Variants in CREB5 observed in about 807,000 individuals in gnomAD.
The protein encoded by CREB5 is cyclic AMP-responsive element-binding protein 5.
CREB5 carries 19 observed loss-of-function variants against 57.1 expected under a neutral mutation model. The observed-to-expected ratio is 0.33, with a 90% CI of 0.23 to 0.49. CREB5 has a LOEUF of 0.49. Among genes scored for constraint, CREB5 ranks in the 20% least tolerant of loss-of-function variants. The pLI is 0.99. For synonymous variants in CREB5, 238 were observed against 238.3 expected, an observed-to-expected ratio of 1.00 and a Z score of 0.01; for missense variants, 579 against 671.6, an observed-to-expected ratio of 0.86 and a Z score of 1.52.
intron 4 of CREB5, among the ~76,000 whole-genome samples, chr7:28,534,578 A>G (rs1217170149): frequency 6.6e-6 from 1 of 152,150 alleles, no homozygotes; most frequent in East Asian, 1.9e-4. Flanking sequence ...TTCTGCAGCC[A>G]CTTTTCTCCA....
chr7:28,458,520 A>G (rs542337254), intron 1 of CREB5, among the ~76,000 whole-genome samples: 1 of 152,338 alleles, frequency 6.6e-6, no homozygotes, highest in African/African-American at 2.4e-5. Flanking sequence ...CTTTACTATT[A>G]CTGAACATTG....
At position 28,306,546 on chromosome 7, in the gene CREB5, G is replaced by GTTTTTTTTT. The variant is rs796910262; in HGVS notation, c.-25+7113_-25+7114insTTTTTTTTT. 3.8e-4 allele frequency among the ~76,000 whole-genome samples: 36 copies of GTTTTTTTTT among 93,516 alleles called. 3 individuals are homozygous for GTTTTTTTTT. The highest frequency in any genetic ancestry group is 9.0e-4 in the African/African-American group (18 of 20,046). The allele number at this position is 93,516 out of a possible 152,430, so 61.4% of individuals were successfully genotyped here. A position where few individuals can be genotyped will look rare whatever the true frequency, so the allele number is the denominator to read the frequency against. ...TGCCAGTACATACAGATACAGTTTT[G>GTTTTTTTTT]TTTTTTTTGTTTTTTTTTTTTTTTT... On this transcript the variant is annotated intron_variant, in intron 1 of 9. Coordinates refer to the CREB5 transcript ENST00000396299.
intron 1 of CREB5, among the ~76,000 whole-genome samples, chr7:28,458,139 C>A (rs914001194): frequency 6.6e-6 from 1 of 152,122 alleles, no homozygotes; most frequent in Admixed American, 6.5e-5. Flanking sequence ...TGACAGACTT[C>A]GTTTTAGATT....
chr7:28,363,079 C>T (rs1447409404), intron 1 of CREB5, among the ~76,000 whole-genome samples: 1 of 152,144 alleles, frequency 6.6e-6, no homozygotes, highest in African/African-American at 2.4e-5. Flanking sequence ...CATTGTGTAT[C>T]ACTTTGGGTC....
At chr7:28,306,853 G>A (rs1407291458) in intron 1 of CREB5, among the ~76,000 whole-genome samples, 5 of 152,206 alleles carry the variant, frequency 3.3e-5, no homozygotes, top group South Asian at 2.1e-4. Context: ...GAGCCACCGC[G>A]CCCGGCCACA....
At chr7:28,572,871 C>G (rs1161577985) in intron 5 of CREB5, among the ~76,000 whole-genome samples, 1 of 152,186 alleles carries the variant, frequency 6.6e-6, no homozygotes, top group Non-Finnish European at 1.5e-5. Context: ...CCCATTTATT[C>G]TCCAGCCTGG....
At chr7:28,696,783 C>CATACGT (rs537823201) in intron 5 of CREB5, among the ~76,000 whole-genome samples, 24 of 148,254 alleles carry the variant, frequency 1.6e-4, no homozygotes, top group African/African-American at 5.0e-4. Flanking sequence ...TATATATACA[C>CATACGT]ATACGTATAC....
intron 4 of CREB5, among the ~76,000 whole-genome samples, chr7:28,560,855 T>TGCGTGCATGCGC (rs1554344299): frequency 1.8e-5 from 1 of 56,388 alleles, no homozygotes; most frequent in Non-Finnish European, 3.5e-5. Flanking sequence ...CGCGTGTGTG[T>TGCGTGCATGCGC]GTGCGTGTGC....
intron 1 of CREB5, 69 bp downstream of exon 1, chr7:28,412,986 G>T: frequency 7.7e-7 from 1 of 1,306,204 alleles, no homozygotes; most frequent in Non-Finnish European, 1.0e-6. Context: ...TAGAACCAAT[G>T]TTGTATTTTC....
intron 1 of CREB5, among the ~76,000 whole-genome samples, chr7:28,403,690 G>A (rs1787521494): frequency 6.6e-6 from 1 of 152,108 alleles, no homozygotes; most frequent in Non-Finnish European, 1.5e-5. Context: ...GGGTCTGGTG[G>A]ATCCTGTCAA....
intron 4 of CREB5, among the ~76,000 whole-genome samples, chr7:28,521,062 G>T (rs1044397596): frequency 1.3e-5 from 2 of 152,146 alleles, no homozygotes; most frequent in African/African-American, 2.4e-5. Context: ...CTCTCCTTAA[G>T]AGGTACCATT....
At chr7:28,486,001 T>C (rs534491746) in intron 1 of CREB5, among the ~76,000 whole-genome samples, 1 of 152,264 alleles carries the variant, frequency 6.6e-6, no homozygotes, top group East Asian at 1.9e-4. Flanking sequence ...CAAAGATATT[T>C]GTGTCTAAAT....
chr7:28,695,816 T>A (rs1801528537), intron 5 of CREB5, among the ~76,000 whole-genome samples: 1 of 152,120 alleles, frequency 6.6e-6, no homozygotes, highest in Non-Finnish European at 1.5e-5. Flanking sequence ...GCTTCCTCCC[T>A]CTTCCTCCCC....
chr7:28,420,741 G>C (rs1160844513), intron 1 of CREB5, among the ~76,000 whole-genome samples: 2 of 147,014 alleles, frequency 1.4e-5, no homozygotes, highest in African/African-American at 5.2e-5. Flanking sequence ...GCAGGAGGCA[G>C]AGTTTGCAGT....
At chr7:28,754,473 T>C (rs1216526007) in intron 7 of CREB5, among the ~76,000 whole-genome samples, 1 of 152,202 alleles carries the variant, frequency 6.6e-6, no homozygotes, top group Non-Finnish European at 1.5e-5. Flanking sequence ...TACCTTCCGT[T>C]TCCTACTGCC....
chr7:28,494,104 C>T (rs918498714), intron 2 of CREB5, among the ~76,000 whole-genome samples: 6 of 152,102 alleles, frequency 3.9e-5, no homozygotes, highest in Admixed American at 3.9e-4. Context: ...ACTTATCATA[C>T]CTTAGACTTA....
chr7:28,633,735 T>C (rs901987021), intron 5 of CREB5, among the ~76,000 whole-genome samples: 2 of 152,172 alleles, frequency 1.3e-5, no homozygotes, highest in African/African-American at 2.4e-5. Flanking sequence ...AGGAGGATTA[T>C]AAATGTGTGA....
At chr7:28,773,607 G>T (rs564003190) in intron 7 of CREB5, among the ~76,000 whole-genome samples, 1 of 152,132 alleles carries the variant, frequency 6.6e-6, no homozygotes, top group Non-Finnish European at 1.5e-5. Context: ...CTGAATGAAT[G>T]GGCATGGCTG....
At chr7:28,561,017 CGTGTGTGCGTGT>C (rs138443349) in intron 4 of CREB5, among the ~76,000 whole-genome samples, 2,407 of 30,170 alleles carry the variant, frequency 0.08, 94 homozygotes, top group African/African-American at 0.23. Flanking sequence ...TGTGTGTGTG[CGTGTGTGCGTGT>C]GTGTGTGTGT....
Sources: gnomAD v4.1 joint callset for allele counts (sites outside exome capture counted in the v4.1 genomes callset) on GRCh38, gnomAD v4.1.1 for gene constraint, MANE v1.5 for transcripts, NCBI Gene and HGNC (gene_info 2026-07-23, HGNC 2026-07-21) for gene names.